CYYR1: variants seen among roughly 807,000 people sequenced by gnomAD.
CYYR1 encodes the protein cysteine and tyrosine-rich protein 1.
CYYR1 carries 14 observed loss-of-function variants against 15.2 expected under a neutral mutation model. The observed-to-expected ratio is 0.92, with a 90% confidence interval of 0.61 to 1.44. The LOEUF (loss-of-function observed/expected upper bound fraction) is 1.44. Among genes scored for constraint, CYYR1 ranks in the 40% most tolerant of loss-of-function variants. The pLI, the probability that CYYR1 is intolerant of heterozygous loss-of-function variation, is 0.00. For missense variants in CYYR1, 228 were observed against 209.5 expected, an observed-to-expected ratio of 1.09 and a Z score of -0.54; for synonymous variants, 80 against 77.4, an observed-to-expected ratio of 1.03 and a Z score of -0.18.
intron 2 of CYYR1, among the ~76,000 whole-genome samples, chr21:26,481,774 A>T (rs1049046111): frequency 6.6e-6 from 1 of 152,018 alleles, no homozygotes; most frequent in Non-Finnish European, 1.5e-5. Context: ...TCAATTAATT[A>T]GTATTTTCAA....
chr21:26,564,761 C>A, intron 2 of CYYR1: 1 of 1,232,218 alleles, frequency 8.1e-7, no homozygotes, highest in Non-Finnish European at 1.0e-6. Flanking sequence ...ACCAAAGAAT[C>A]ACAGAATCAG....
intron 2 of CYYR1, among the ~76,000 whole-genome samples, chr21:26,492,542 C>T (rs1014737911): frequency 6.6e-6 from 1 of 152,110 alleles, no homozygotes; most frequent in African/African-American, 2.4e-5. Context: ...CAGATGTGAG[C>T]TAGAATTATA....
chr21:26,550,017 T>C (rs1483367110), intron 2 of CYYR1, among the ~76,000 whole-genome samples: 1 of 152,206 alleles, frequency 6.6e-6, no homozygotes, highest in Non-Finnish European at 1.5e-5. Flanking sequence ...CAGCCCTTCA[T>C]TGAGCAAGTC....
intron 2 of CYYR1, chr21:26,503,568 T>A (rs1043987479): frequency 3.9e-5 from 6 of 152,238 alleles, no homozygotes; most frequent in South Asian, 2.1e-4. Context: ...TTCTGTTCAC[T>A]TTTGTGTCCA....
chr21:26,483,200 T>G (rs1436435980), intron 2 of CYYR1, among the ~76,000 whole-genome samples: 1 of 152,078 alleles, frequency 6.6e-6, no homozygotes, highest in Non-Finnish European at 1.5e-5. Flanking sequence ...CATCCTCTAT[T>G]GCACTCCCCT....
intron 3 of CYYR1, among the ~76,000 whole-genome samples, chr21:26,473,982 C>A (rs115158560): frequency 0.014 from 2,056 of 151,620 alleles, 36 homozygotes; most frequent in African/African-American, 0.045. Flanking sequence ...TATTCTTACT[C>A]TTTAAAACCT....
chr21:26,477,939 G>T, intron 3 of CYYR1: 2 of 1,349,656 alleles, frequency 1.5e-6, no homozygotes, highest in East Asian at 2.8e-5. Context: ...TGTTACTTTT[G>T]TAGTGAGTAC....
chr21:26,518,253 TG>T (rs1224720924), intron 2 of CYYR1, among the ~76,000 whole-genome samples: 2 of 152,232 alleles, frequency 1.3e-5, no homozygotes, highest in Non-Finnish European at 2.9e-5. Context: ...ACATCTTTTT[TG>T]CCCTGTGTTC....
chr21:26,564,246 TC>T (rs1368757061), intron 2 of CYYR1, among the ~76,000 whole-genome samples: 1 of 151,936 alleles, frequency 6.6e-6, no homozygotes, highest in African/African-American at 2.4e-5. Flanking sequence ...TAACTGGAAA[TC>T]CTGAAAATGT....
intron 2 of CYYR1, among the ~76,000 whole-genome samples, chr21:26,520,137 T>TATATATATATATATAC (rs1320265726): frequency 1.5e-5 from 2 of 129,778 alleles, no homozygotes; most frequent in African/African-American, 5.9e-5. Flanking sequence ...TATATATATA[T>TATATATATATATATAC]ATATGCAGAA....
chr21:26,474,887 C>G (rs909420996), intron 3 of CYYR1, among the ~76,000 whole-genome samples: 1 of 152,174 alleles, frequency 6.6e-6, no homozygotes, highest in African/African-American at 2.4e-5. Context: ...TCTTTCCTGT[C>G]ATGGTGTCCT....
In CYYR1 at chr21:26,468,567, G is replaced by C. The variant is rs1481447978; in HGVS notation, c.402C>G (p.Ser134=). The stretch of plus-strand genomic sequence containing the variant: ...GCTGTGCTGGACCCTGTGGGGTGGG[G>C]GAGTATGGAGGAGGCAAGTCTGCAC... ...EYCADLPPPY[S]PTPQGPAQRS... is the part of the protein sequence containing the mutation. The change falls in exon 4 of 4, where the codon TCC becomes TCG. Residue 134 remains serine, a synonymous_variant. Transcript: ENST00000652641. 1 of 1,613,624 alleles carries C rather than the reference G, an allele frequency of 6.2e-7. No homozygotes were observed. Among genetic ancestry groups the C allele is most frequent in the Non-Finnish European group, 8.5e-7 (1 of 1,179,754 alleles).
chr21:26,492,107 C>T lies in CYYR1; in HGVS notation c.177-11678G>A, dbSNP rs781272665. ...TTGGCTTCCTCTTAGGGTCTAGCTT[C>T]GTGCGCATTAAAATTCACAAGCAAC... is the stretch of plus-strand genomic sequence containing the variant. On this transcript the variant is annotated intron_variant, in intron 2 of 3. Transcript: ENST00000652641. 3.3e-5 allele frequency among the ~76,000 whole-genome samples: 5 copies of T among 152,174 alleles called. No individual in the cohort carries two copies. In the East Asian group the frequency reaches 9.6e-4, roughly 29 times the overall value.
At chr21:26,535,611 A>G (rs144424661) in intron 2 of CYYR1, among the ~76,000 whole-genome samples, 75 of 152,302 alleles carry the variant, frequency 4.9e-4, no homozygotes, top group African/African-American at 1.7e-3. Flanking sequence ...TCTAAACCAG[A>G]TATTATTACA....
intron 2 of CYYR1, chr21:26,551,924 TG>T (rs1979417741): frequency 6.5e-6 from 1 of 153,728 alleles, no homozygotes; most frequent in Admixed American, 6.5e-5. Context: ...AAATCTTTCA[TG>T]AAAGGAGGAG....
intron 3 of CYYR1, among the ~76,000 whole-genome samples, chr21:26,472,800 T>C (rs1012964724): frequency 3.9e-5 from 6 of 152,170 alleles, no homozygotes; most frequent in Non-Finnish European, 7.4e-5. Flanking sequence ...GTTATTCATT[T>C]AAAAAATCCC....
intron 2 of CYYR1, among the ~76,000 whole-genome samples, chr21:26,491,767 C>T (rs2065332150): frequency 6.6e-6 from 1 of 152,140 alleles, no homozygotes; most frequent in South Asian, 2.1e-4. Context: ...TCTCCTGTGG[C>T]TCTACTGATT....
chr21:26,490,988 G>A (rs1356215431), intron 2 of CYYR1, among the ~76,000 whole-genome samples: 2 of 152,148 alleles, frequency 1.3e-5, no homozygotes, highest in Admixed American at 6.5e-5. Context: ...CTGATCCAAC[G>A]GGGGAGTGAG....
At chr21:26,506,945 C>T (rs1741644672) in intron 2 of CYYR1, among the ~76,000 whole-genome samples, 1 of 152,158 alleles carries the variant, frequency 6.6e-6, no homozygotes, top group Admixed American at 6.5e-5. Flanking sequence ...ATCCTTTTCA[C>T]AGCAGTACTT....
Sources: allele counts gnomAD v4.1 joint callset (sites outside exome capture counted in the v4.1 genomes callset), GRCh38; gene constraint gnomAD v4.1.1; transcripts MANE v1.5; gene names NCBI Gene and HGNC (gene_info 2026-07-23, HGNC 2026-07-21).